PTPRB: variants seen among roughly 807,000 people sequenced by gnomAD.
PTPRB encodes the protein receptor-type tyrosine-protein phosphatase beta.
PTPRB carries 97 observed loss-of-function variants against 238.1 expected under a neutral mutation model. The ratio of observed to expected loss-of-function variants is 0.41; its 90% CI spans 0.35 to 0.48. The LOEUF (loss-of-function observed/expected upper bound fraction) is 0.48, where lower values mean the gene tolerates loss of function less well. PTPRB is among the 20% of genes least tolerant of loss of function. PTPRB has a pLI of 0.30. For missense variants in PTPRB, 2,292 were observed against 2,681.9 expected (o/e 0.85, Z 3.21); for synonymous variants, 970 against 995.4 (o/e 0.97, Z 0.48).
chr12:70,525,592 G>A (rs1448481553), intron 32 of PTPRB, among the ~76,000 whole-genome samples: 2 of 151,940 alleles, frequency 1.3e-5, no homozygotes, highest in African/African-American at 4.9e-5. Context: ...AATAGATATA[G>A]AAGAGTCAGT....
intron 21 of PTPRB, among the ~76,000 whole-genome samples, chr12:70,548,902 G>C (rs969390836): frequency 1.3e-5 from 2 of 152,024 alleles, no homozygotes; most frequent in South Asian, 4.2e-4. Flanking sequence ...TCCCTATCTG[G>C]GTATTTCTAA....
chr12:70,569,144 C>T lies in PTPRB; in HGVS notation c.3634+531G>A, dbSNP rs140653766. Reference sequence around the variant, plus strand: ...TGGGACAGGGTCTCACTCCGGTTGCCCAGGCTGGAGTGCAGTGGCACGATC... The same window carrying T: ...TGGGACAGGGTCTCACTCCGGTTGCTCAGGCTGGAGTGCAGTGGCACGATC... On this transcript the variant is annotated intron_variant, in intron 14 of 33. Transcript: ENST00000334414. 1.4e-3 allele frequency among the ~76,000 whole-genome samples: 215 copies of T among 152,128 alleles called. 1 individual carries two copies. Among genetic ancestry groups the T allele is most frequent in the African/African-American group, 4.9e-3 (203 of 41,470 alleles).
Position 70,622,623 on chromosome 12 carries a change from C to T in PTPRB, c.475G>A (p.Val159Met), listed in dbSNP as rs753208821. ...GGAGCCGTGTTTCTAGTGCTCCTCA[C>T]CGAAACTTCTGCTCCCAGGCCAGCT... ...QKAGLGAEVSVRSTRNTAPPQ... is the reference protein window; with the variant it reads ...QKAGLGAEVSMRSTRNTAPPQ... Residue 159 changes from valine (V) to methionine (M), a missense_variant, in exon 3 of 34, where the codon GTG (valine) becomes ATG (methionine). Physicochemically the swap from Val to Met is conservative, Grantham distance 21. Transcript: ENST00000334414. 8 of 1,575,516 alleles carry T rather than the reference C, an allele frequency of 5.1e-6. No homozygotes were observed. The South Asian group carries it at 9.2e-5, about 18-fold the overall frequency.
intron 3 of PTPRB, among the ~76,000 whole-genome samples, chr12:70,616,262 T>G (rs891445579): frequency 6.6e-6 from 1 of 152,176 alleles, no homozygotes; most frequent in Non-Finnish European, 1.5e-5. Context: ...TTCTTTAATG[T>G]GGAACAATTC....
At position 70,518,441 on chromosome 12, in the gene PTPRB, A is replaced by T. The variant is rs1329833041; in HGVS notation, c.*3048T>A. The T allele has an allele frequency of 6.6e-6, 1 of 152,168 alleles. No homozygotes were observed. Among genetic ancestry groups the T allele is most frequent in the Non-Finnish European group, 1.5e-5 (1 of 68,054 alleles). 9.4% of individuals were successfully genotyped at this position (152,168 alleles called of 1,614,324 possible). Reference sequence around the variant, plus strand: ...CAAGACTTCATTTCAAAAAAAAGTGAAATTATGGTCATCTCTTTGATGATG... The same window carrying T: ...CAAGACTTCATTTCAAAAAAAAGTGTAATTATGGTCATCTCTTTGATGATG... On this transcript the variant is annotated 3_prime_UTR_variant, in exon 34 of 34. Coordinates refer to ENST00000334414, the MANE Select transcript of PTPRB (RefSeq NM_001109754.4).
At chr12:70,550,337 G>A (rs1449595675) in intron 21 of PTPRB, among the ~76,000 whole-genome samples, 2 of 152,324 alleles carry the variant, frequency 1.3e-5, no homozygotes, top group Non-Finnish European at 2.9e-5. Context: ...GTGAGGAGTA[G>A]CAAGAGAGCA....
At chr12:70,568,478 T>A (rs1879600595) in intron 14 of PTPRB, among the ~76,000 whole-genome samples, 1 of 152,142 alleles carries the variant, frequency 6.6e-6, no homozygotes, top group South Asian at 2.1e-4. Context: ...TTTGTATTTT[T>A]AGTAGAGACG....
At chr12:70,608,129 G>T (rs1884118716) in intron 4 of PTPRB, among the ~76,000 whole-genome samples, 1 of 152,156 alleles carries the variant, frequency 6.6e-6, no homozygotes, top group Non-Finnish European at 1.5e-5. Context: ...GTTGAAATGT[G>T]AAAGAATACT....
chr12:70,571,698 C>T lies in PTPRB; in HGVS notation c.3106+126G>A, dbSNP rs1362752497. 4.6e-6 allele frequency: 5 copies of T among 1,076,772 alleles called. No homozygotes were observed. In the African/African-American group the frequency reaches 8.0e-5, roughly 17 times the overall value. 66.7% of individuals were successfully genotyped at this position (1,076,772 alleles called of 1,614,324 possible). ...CCATGGCTTGGCTGAATGATGTTAG[C>T]ACCAAGTGAGACTTACTGGGAATGT... On this transcript the variant is annotated intron_variant, in intron 12 of 33. Transcript: ENST00000334414.
In PTPRB at chr12:70,617,704, C is replaced by T. The variant is rs559716164; in HGVS notation, c.708+4686G>A. On this transcript the variant is annotated intron_variant, in intron 3 of 33. Coordinates refer to ENST00000334414, the MANE Select transcript of PTPRB (RefSeq NM_001109754.4). ...GGGGTGGGGTGTTTTCTGCATTTGC[C>T]TCCTCATTTATCTGGAGACTCACAC... is the stretch of plus-strand genomic sequence containing the variant. Among the ~76,000 whole-genome samples the T allele has an allele frequency of 2.0e-5, 3 of 152,254 alleles. No homozygotes were observed. In the South Asian group the frequency reaches 6.2e-4, roughly 32 times the overall value.
intron 14 of PTPRB, among the ~76,000 whole-genome samples, chr12:70,567,723 C>T (rs1161700065): frequency 6.6e-6 from 1 of 152,216 alleles, no homozygotes; most frequent in Non-Finnish European, 1.5e-5. Flanking sequence ...TTTCATAGCA[C>T]TCCCATGCTA....
intron 27 of PTPRB, 75 bp downstream of exon 27, chr12:70,538,849 C>G (rs1233885569): frequency 1.7e-6 from 2 of 1,191,904 alleles, no homozygotes; most frequent in African/African-American, 3.0e-5. Context: ...TTTCTTTAGC[C>G]TCATTTCATT....
chr12:70,636,057 T>C lies in PTPRB; in HGVS notation c.65A>G (p.Gln22Arg). Reference protein sequence around the residue: ...CLIFRNSEGFQIVHVQKQQCL... With the variant: ...CLIFRNSEGFRIVHVQKQQCL... ...CTGTTGTTTCTGGACATGGACAATC[T>C]GAAACCCTTCTGGAAGATGAAAAGC... The change falls in exon 2 of 34, where the codon CAG becomes CGG. Residue 22 changes from glutamine to arginine, a missense_variant. Gln to Arg is a conservative substitution (Grantham distance 43). Coordinates refer to ENST00000334414, the MANE Select transcript of PTPRB (RefSeq NM_001109754.4). 1.2e-6 allele frequency: 2 copies of C among 1,609,106 alleles called. No homozygotes were observed. Among genetic ancestry groups the C allele is most frequent in the Non-Finnish European group, 1.7e-6 (2 of 1,177,032 alleles).
intron 21 of PTPRB, among the ~76,000 whole-genome samples, chr12:70,548,914 T>G (rs750570747): frequency 1.3e-5 from 2 of 152,198 alleles, no homozygotes; most frequent in Non-Finnish European, 2.9e-5. Flanking sequence ...TATTTCTAAA[T>G]CCTTTCCTAT....
At chr12:70,626,244 A>T (rs1885168819) in intron 2 of PTPRB, among the ~76,000 whole-genome samples, 1 of 151,674 alleles carries the variant, frequency 6.6e-6, no homozygotes, top group African/African-American at 2.4e-5. Flanking sequence ...TCTGGAAAAA[A>T]GATAACAAAT....
chr12:70,552,982 G>A lies in PTPRB; in HGVS notation c.5182C>T (p.Pro1728Ser), dbSNP rs2136300273. The A allele has an allele frequency of 4.3e-6, 7 of 1,613,804 alleles. No individual in the cohort carries two copies. Among genetic ancestry groups the A allele is most frequent in the Non-Finnish European group, 5.9e-6 (7 of 1,179,716 alleles). ...ELKPEQQHPL[P>S]SYLEYRHNAS... ...TTGTGCCTGTACTCCAGGTAGGAAG[G>A]GAGAGGGTGCTGCTGTTCTGGCTTC... Residue 1728 changes from proline to serine, a missense_variant, in exon 21 of 34, where the codon CCT becomes TCT. Coordinates refer to ENST00000334414, the MANE Select transcript of PTPRB (RefSeq NM_001109754.4).
intron 2 of PTPRB, among the ~76,000 whole-genome samples, chr12:70,632,373 A>T (rs1217446300): frequency 6.6e-6 from 1 of 152,024 alleles, no homozygotes; most frequent in Non-Finnish European, 1.5e-5. Flanking sequence ...GTGGAAATTG[A>T]ACAACGAGAA....
chr12:70,573,974 T>C (rs1007998601), intron 11 of PTPRB, among the ~76,000 whole-genome samples: 1 of 152,170 alleles, frequency 6.6e-6, no homozygotes, highest in African/African-American at 2.4e-5. Context: ...AGATTTCATT[T>C]TTCCATTTGG....
At chr12:70,524,833 ATATATGTGTGTATATATGTGTG>A (rs963561512) in intron 32 of PTPRB, among the ~76,000 whole-genome samples, 21 of 145,650 alleles carry the variant, frequency 1.4e-4, no homozygotes, top group African/African-American at 3.3e-4. Context: ...GTGTGTGTGC[ATATATGTGTGTATATATGTGTG>A]TATATGTGTG....
Sources: allele counts gnomAD v4.1 joint callset (sites outside exome capture counted in the v4.1 genomes callset), GRCh38; gene constraint gnomAD v4.1.1; transcripts MANE v1.5; gene names NCBI Gene and HGNC (gene_info 2026-07-23, HGNC 2026-07-21).